MARCHF10: variants seen among roughly 807,000 people sequenced by gnomAD.
MARCHF10 encodes the protein probable E3 ubiquitin-protein ligase MARCHF10.
In MARCHF10, 64 loss-of-function variants were observed where a neutral mutation model predicts 76.2. That is an observed-to-expected ratio of 0.84 (90% CI 0.69 to 1.03). The LOEUF (loss-of-function observed/expected upper bound fraction) is 1.03. Ranked by LOEUF, MARCHF10 falls within the 50% of genes least tolerant of loss-of-function variation. The pLI is 0.00. For synonymous variants in MARCHF10, 340 were observed against 357.5 expected, an observed-to-expected ratio of 0.95 and a Z score of 0.55; for missense variants, 875 against 958.0, an observed-to-expected ratio of 0.91 and a Z score of 1.14.
chr17:62,761,257 G>A (rs113201907), intron 3 of MARCHF10, among the ~76,000 whole-genome samples: 86 of 152,116 alleles, frequency 5.7e-4, no homozygotes, highest in African/African-American at 1.9e-3. Flanking sequence ...TTGTTTCTCC[G>A]CACAATTTCA....
chr17:62,751,281 G>T (rs1173942091), intron 4 of MARCHF10, among the ~76,000 whole-genome samples: 1 of 152,098 alleles, frequency 6.6e-6, no homozygotes, highest in Non-Finnish European at 1.5e-5. Context: ...TACCTGCCCG[G>T]AACCTGTTTC....
chr17:62,774,351 T>C (rs1294728599), intron 3 of MARCHF10, among the ~76,000 whole-genome samples: 1 of 151,846 alleles, frequency 6.6e-6, no homozygotes, highest in Non-Finnish European at 1.5e-5. Context: ...GATCAGGAGA[T>C]GTGGTGGGGA....
At chr17:62,724,803 A>T (rs2090669461) in intron 7 of MARCHF10, 135 bp downstream of exon 7, 2 of 884,918 alleles carry the variant, frequency 2.3e-6, no homozygotes, top group Admixed American at 2.6e-5. Context: ...AAGGATCTGG[A>T]GCTCAGCCAC....
intron 4 of MARCHF10, among the ~76,000 whole-genome samples, 162 bp downstream of exon 4, chr17:62,759,673 G>A (rs7221784): frequency 0.52 from 78,542 of 151,836 alleles, 21,392 homozygotes; most frequent in East Asian, 0.7. Context: ...ATTTCACCAC[G>A]CTGGCCAGGC....
rs2091382682 is a variant in MARCHF10 at position 62,738,491 on chromosome 17, G to T, written c.536-1159C>A. Among the ~76,000 whole-genome samples, 1 of 152,134 alleles carries T rather than the reference G, an allele frequency of 6.6e-6. No individual in the cohort carries two copies. The highest frequency in any genetic ancestry group is 6.5e-5 in the Admixed American group (1 of 15,278). ...TGTTCTCCTCTCTGCTATTGTGTGG[G>T]ATCTGATGAGATGCTGCTCTTTTTA... On this transcript the variant is annotated intron_variant, in intron 5 of 10. Transcript: ENST00000311269. The surrounding 1 kb of genome is among the most constrained non-coding windows in gnomAD (Gnocchi z 4.0).
At chr17:62,729,458 ATATT>A (rs1451665591) in intron 6 of MARCHF10, among the ~76,000 whole-genome samples, 1 of 148,504 alleles carries the variant, frequency 6.7e-6, no homozygotes, top group Non-Finnish European at 1.5e-5. Flanking sequence ...GATTATATAT[ATATT>A]TATATGTAGA....
intron 5 of MARCHF10, 126 bp from the exon 6 acceptor site, chr17:62,737,458 G>T: frequency 1.2e-6 from 1 of 865,550 alleles, no homozygotes; most frequent in Non-Finnish European, 1.8e-6. Flanking sequence ...AACAGACACG[G>T]TCAAAATGGC....
In MARCHF10 at chr17:62,736,000, C is replaced by A. The variant is rs772070614; in HGVS notation, c.1868G>T (p.Gly623Val). The change falls in exon 6 of 11, where the codon GGT becomes GTT. Residue 623 changes from glycine (G) to valine (V), a missense_variant. By Grantham distance (109) the Gly-to-Val change is moderately radical (BLOSUM62 -3). Transcript: ENST00000311269. ...ACTGGTTTCCTTTTCATCTGTGAAA[C>A]CAGAGGCTGCCATCCTGCTCCCATT... ...NDNGSRMAAS[G>V]FTDEKETSKI... 20 of 1,613,970 alleles carry A rather than the reference C, an allele frequency of 1.2e-5. No individual in the cohort carries two copies. Among genetic ancestry groups the A allele is most frequent in the Non-Finnish European group, 1.6e-5 (19 of 1,180,010 alleles).
chr17:62,780,503 C>T (rs1020065089), intron 3 of MARCHF10, among the ~76,000 whole-genome samples: 2 of 152,128 alleles, frequency 1.3e-5, no homozygotes, highest in Non-Finnish European at 2.9e-5. Context: ...GCACACTGGG[C>T]CAGGCCTGGG....
At chr17:62,707,594 G>A (rs1264665046) in intron 9 of MARCHF10, 4 of 152,330 alleles carry the variant, frequency 2.6e-5, no homozygotes, top group Non-Finnish European at 5.9e-5. Flanking sequence ...TGTCCGCGAA[G>A]AGCCTAGCTG....
intron 2 of MARCHF10, among the ~76,000 whole-genome samples, chr17:62,799,979 A>C (rs2148203598): frequency 6.6e-6 from 1 of 152,240 alleles, no homozygotes; most frequent in East Asian, 1.9e-4. Context: ...TCACTTCCTC[A>C]AAGAGACCTC....
At chr17:62,708,288 C>T (rs2089713468) in intron 9 of MARCHF10, among the ~76,000 whole-genome samples, 2 of 151,680 alleles carry the variant, frequency 1.3e-5, no homozygotes, top group East Asian at 2.0e-4. Flanking sequence ...CTCTGTTGCC[C>T]AGGCTGGAGC....
Position 62,725,032 on chromosome 17 carries a change from G to A in MARCHF10, c.2010C>T (p.Ser670=). 1 of 1,609,756 alleles carries A rather than the reference G, an allele frequency of 6.2e-7. No individual in the cohort carries two copies. Among genetic ancestry groups the A allele is most frequent in the South Asian group, 1.1e-5 (1 of 90,012 alleles). Residue 670 remains serine, a synonymous_variant, in exon 7 of 11, where the codon AGC becomes AGT. Coordinates refer to ENST00000311269, the MANE Select transcript of MARCHF10 (RefSeq NM_152598.4). Reference sequence around the variant, plus strand: ...AGCCGCAAGGCTCCAGGAGGGGGTTGCTTGGGGAACCCCCGGCTATCTGAC... The same window carrying A: ...AGCCGCAAGGCTCCAGGAGGGGGTTACTTGGGGAACCCCCGGCTATCTGAC... The part of the protein sequence containing the change: ...RICQIAGGSP[S]NPLLEPCGCV...
chr17:62,803,485 G>A (rs930245199), intron 1 of MARCHF10, among the ~76,000 whole-genome samples: 1 of 151,956 alleles, frequency 6.6e-6, no homozygotes, highest in Non-Finnish European at 1.5e-5. Context: ...GGAGGAGGTG[G>A]AGGACAGTGG....
At chr17:62,723,587 T>G (rs2090608087) in intron 7 of MARCHF10, among the ~76,000 whole-genome samples, 1 of 149,708 alleles carries the variant, frequency 6.7e-6, no homozygotes, top group Admixed American at 6.7e-5. Context: ...TTAGCGTCAT[T>G]CAGTAACGCT....
In MARCHF10 at chr17:62,712,261, GC is replaced by G. The variant is rs1471803243; in HGVS notation, c.2215-918del. Among the ~76,000 whole-genome samples, 3 of 152,248 alleles carry G rather than the reference GC, an allele frequency of 2.0e-5. No individual in the cohort carries two copies. The highest frequency in any genetic ancestry group is 7.2e-5 in the African/African-American group (3 of 41,474). ...CAGCCCCCGGGGAATAGAGTCCCCAGCAGAGGGCATGGCCCCTTCCGTCACC... is the reference window on the plus strand; with the variant it reads ...CAGCCCCCGGGGAATAGAGTCCCCAGAGAGGGCATGGCCCCTTCCGTCACC... On this transcript the variant is annotated intron_variant, in intron 8 of 10. Transcript: ENST00000311269. The surrounding 1 kb of genome is among the most constrained non-coding windows in gnomAD (Gnocchi z 4.2).
At chr17:62,710,058 C>T (rs1263658371) in intron 9 of MARCHF10, among the ~76,000 whole-genome samples, 2 of 152,198 alleles carry the variant, frequency 1.3e-5, no homozygotes, top group Non-Finnish European at 2.9e-5. Flanking sequence ...GACAGATTTA[C>T]TGGAAGTTTC....
intron 7 of MARCHF10, among the ~76,000 whole-genome samples, chr17:62,724,397 A>G (rs1478371887): frequency 6.6e-6 from 1 of 152,052 alleles, no homozygotes; most frequent in Non-Finnish European, 1.5e-5. Context: ...TCTTTATCTA[A>G]TATGGTTCTA....
chr17:62,750,176 G>A (rs1030260865), intron 4 of MARCHF10: 1 of 153,246 alleles, frequency 6.5e-6, no homozygotes, highest in Non-Finnish European at 1.5e-5. Flanking sequence ...ACTGCGCTGT[G>A]CTGTGTGCCT....
Sources: gnomAD v4.1 joint callset for allele counts (sites outside exome capture counted in the v4.1 genomes callset) on GRCh38, gnomAD v4.1.1 for gene constraint, Gnocchi (gnomAD v3.1) non-coding constraint, MANE v1.5 for transcripts, NCBI Gene and HGNC (gene_info 2026-07-23, HGNC 2026-07-21) for gene names.